Variants in SWT1 observed in about 807,000 individuals in gnomAD.
SWT1 encodes the protein SWT1 RNA endoribonuclease homolog, also known as transcriptional protein SWT1.
In SWT1, 33 loss-of-function variants were observed where a neutral mutation model predicts 107.3. The ratio of observed to expected loss-of-function variants is 0.31; its 90% CI spans 0.23 to 0.41. The LOEUF (loss-of-function observed/expected upper bound fraction) is 0.41. Among genes scored for constraint, SWT1 ranks in the 10% least tolerant of loss-of-function variants. The pLI is 1.00. For missense variants in SWT1, 898 were observed against 1,028.9 expected (o/e 0.87, Z 1.74); for synonymous variants, 345 against 348.3 (o/e 0.99, Z 0.11).
chr1:185,184,980 G>A, intron 9 of SWT1, 49 bp downstream of exon 9: 1 of 1,273,598 alleles, frequency 7.9e-7, no homozygotes, highest in Non-Finnish European at 1.0e-6. Context: ...TTGTTTGGGT[G>A]CAGACTCATT....
intron 15 of SWT1, among the ~76,000 whole-genome samples, chr1:185,222,754 C>A (rs973541618): frequency 7.6e-6 from 1 of 131,934 alleles, no homozygotes; most frequent in African/African-American, 3.0e-5. Context: ...CAAAGCAAGA[C>A]GCCATCTCAA....
chr1:185,163,865 C>T (rs1214309256), intron 2 of SWT1, among the ~76,000 whole-genome samples: 1 of 152,144 alleles, frequency 6.6e-6, no homozygotes, highest in African/African-American at 2.4e-5. Context: ...GGTATTTTGA[C>T]CTACTCCCAC....
intron 15 of SWT1, among the ~76,000 whole-genome samples, chr1:185,228,171 A>ATT (rs1660227325): frequency 1.5e-5 from 1 of 66,596 alleles, no homozygotes; most frequent in African/African-American, 6.9e-5. Flanking sequence ...AAAAATGTGT[A>ATT]TATATATATA....
intron 16 of SWT1, among the ~76,000 whole-genome samples, chr1:185,240,796 T>A (rs1020748905): frequency 6.6e-6 from 1 of 151,972 alleles, no homozygotes; most frequent in Non-Finnish European, 1.5e-5. Flanking sequence ...AAGTTTGGGG[T>A]TTTTTGGGTG....
chr1:185,269,489 C>A (rs1490487977), intron 16 of SWT1, among the ~76,000 whole-genome samples: 5 of 151,758 alleles, frequency 3.3e-5, no homozygotes, highest in Admixed American at 6.6e-5. Flanking sequence ...TGTGTGCCCC[C>A]TCCAAGGGAC....
intron 16 of SWT1, among the ~76,000 whole-genome samples, chr1:185,267,118 C>A (rs1360580578): frequency 6.6e-6 from 1 of 152,192 alleles, no homozygotes; most frequent in Non-Finnish European, 1.5e-5. Context: ...ACTGTGTAAT[C>A]TTAGGCAAGT....
chr1:185,184,771 C>T lies in SWT1; in HGVS notation c.1269C>T (p.Pro423=). The T allele has an allele frequency of 6.2e-7, 1 of 1,609,992 alleles. No homozygotes were observed. Among genetic ancestry groups the T allele is most frequent in the Middle Eastern group, 1.7e-4 (1 of 6,052 alleles). ...PGFDKLVLII[P]WVVMQELDRM... is the part of the protein sequence containing the mutation. ...TTGACAAACTTGTGTTAATAATTCC[C>T]TGGGTCGTTATGCAAGAGCTAGATC... Residue 423 remains proline (P), a synonymous_variant, in exon 9 of 19, where the codon CCC becomes CCT. Transcript: ENST00000367500.
intron 16 of SWT1, chr1:185,263,302 A>T (rs1274061016): frequency 6.6e-6 from 1 of 152,092 alleles, no homozygotes; most frequent in East Asian, 1.9e-4. Context: ...AAAGTGCTGG[A>T]TTTGAGGAAA....
chr1:185,282,352 G>A (rs138077389), intron 18 of SWT1, among the ~76,000 whole-genome samples: 134 of 150,870 alleles, frequency 8.9e-4, no homozygotes, highest in African/African-American at 3.0e-3. Flanking sequence ...GTTTACCTTC[G>A]AAGACACAAT....
chr1:185,182,924 T>C (rs1399283439), intron 7 of SWT1, among the ~76,000 whole-genome samples: 1 of 151,992 alleles, frequency 6.6e-6, no homozygotes, highest in Admixed American at 6.6e-5. Context: ...TCACCTGGGG[T>C]CAGGAGTTCG....
intron 13 of SWT1, among the ~76,000 whole-genome samples, chr1:185,213,689 CTGTT>C (rs1468691352): frequency 6.6e-6 from 1 of 152,078 alleles, no homozygotes; most frequent in Non-Finnish European, 1.5e-5. Context: ...ATTTTGAAAA[CTGTT>C]AGGTAGCATT....
At chr1:185,177,118 A>C in intron 5 of SWT1, 1 of 825,540 alleles carries the variant, frequency 1.2e-6, no homozygotes, top group Non-Finnish European at 1.5e-6. Flanking sequence ...AAGGGGCCCA[A>C]AGAGGGCAAG....
intron 16 of SWT1, among the ~76,000 whole-genome samples, chr1:185,260,668 A>G (rs1662955591): frequency 6.6e-6 from 1 of 152,124 alleles, no homozygotes; most frequent in Non-Finnish European, 1.5e-5. Context: ...TAGTAAAAGA[A>G]TGTAATTGTA....
intron 5 of SWT1, among the ~76,000 whole-genome samples, chr1:185,176,027 C>T (rs112095635): frequency 6.6e-6 from 1 of 152,086 alleles, no homozygotes; most frequent in Non-Finnish European, 1.5e-5. Context: ...CAATGGCTCA[C>T]GCCTGTAATC....
chr1:185,166,990 C>T (rs1654632435), intron 3 of SWT1, among the ~76,000 whole-genome samples: 1 of 152,218 alleles, frequency 6.6e-6, no homozygotes, highest in Admixed American at 6.5e-5. Flanking sequence ...TCACTGCAAC[C>T]TCTACCTCCT....
chr1:185,187,791 C>T (rs1017418462), intron 9 of SWT1, among the ~76,000 whole-genome samples: 5 of 151,936 alleles, frequency 3.3e-5, no homozygotes, highest in East Asian at 3.9e-4. Flanking sequence ...CTCAAGTGTG[C>T]GATTCTCCTG....
chr1:185,230,468 T>G (rs964615333), intron 15 of SWT1, among the ~76,000 whole-genome samples: 1 of 152,156 alleles, frequency 6.6e-6, no homozygotes, highest in Non-Finnish European at 1.5e-5. Context: ...TCTGCCTTTT[T>G]CTTCACATGG....
intron 13 of SWT1, among the ~76,000 whole-genome samples, chr1:185,208,188 G>T (rs1010585575): frequency 6.6e-6 from 1 of 152,072 alleles, no homozygotes; most frequent in African/African-American, 2.4e-5. Flanking sequence ...CTTGAGCCCA[G>T]ATTCTAACCT....
At chr1:185,200,823 G>GTT (rs1236200029) in intron 10 of SWT1, among the ~76,000 whole-genome samples, 1 of 152,174 alleles carries the variant, frequency 6.6e-6, no homozygotes, top group Non-Finnish European at 1.5e-5. Context: ...AGGCAGGAAC[G>GTT]TTTAAGTCTG....
Sources: gnomAD v4.1 joint callset for allele counts (sites outside exome capture counted in the v4.1 genomes callset) on GRCh38, gnomAD v4.1.1 for gene constraint, MANE v1.5 for transcripts, NCBI Gene and HGNC (gene_info 2026-07-23, HGNC 2026-07-21) for gene names.